Variants in SNTG1 observed in about 807,000 individuals in gnomAD.
SNTG1 encodes syntrophin gamma 1.
A neutral mutation model predicts 74.7 loss-of-function variants in SNTG1; 39 were observed. The ratio of observed to expected loss-of-function variants is 0.52; its 90% confidence interval spans 0.40 to 0.68. The LOEUF is 0.68. Among genes scored for constraint, SNTG1 ranks in the 30% least tolerant of loss-of-function variants. The probability of loss-of-function intolerance (pLI) is 0.00; values close to 1 mark genes in which losing one functional copy is unlikely to be tolerated. For missense variants in SNTG1, 685 were observed against 609.5 expected (o/e 1.12, Z -1.30); for synonymous variants, 254 against 217.1 (o/e 1.17, Z -1.49).
chr8:49,998,709 G>A (rs1156997208), intron 1 of SNTG1, among the ~76,000 whole-genome samples: 1 of 151,250 alleles, frequency 6.6e-6, no homozygotes, highest in African/African-American at 2.4e-5. Context: ...AGGTCTTCAG[G>A]GACAATAACA....
At chr8:50,771,317 A>G (rs1198194515) in intron 18 of SNTG1, among the ~76,000 whole-genome samples, 1 of 152,116 alleles carries the variant, frequency 6.6e-6, no homozygotes, top group South Asian at 2.1e-4. Flanking sequence ...AGATATGCCT[A>G]TTACACCCTT....
At chr8:50,201,569 C>T (rs182459753) in intron 2 of SNTG1, among the ~76,000 whole-genome samples, 82 of 152,152 alleles carry the variant, frequency 5.4e-4, no homozygotes, top group African/African-American at 1.8e-3. Flanking sequence ...ACTCCATGAT[C>T]ATCTTGTTTA....
chr8:49,980,520 G>C (rs1308797857), intron 1 of SNTG1, among the ~76,000 whole-genome samples: 2 of 34,276 alleles, frequency 5.8e-5, no homozygotes, highest in Non-Finnish European at 8.7e-5. Flanking sequence ...AGACTCCTTC[G>C]CAAAAAAAAA....
At chr8:50,638,894 A>C (rs2095055446) in intron 13 of SNTG1, among the ~76,000 whole-genome samples, 1 of 152,124 alleles carries the variant, frequency 6.6e-6, no homozygotes, top group African/African-American at 2.4e-5. Context: ...ATATCACTAT[A>C]TGAGCAGATT....
intron 9 of SNTG1, among the ~76,000 whole-genome samples, chr8:50,528,563 T>C (rs1285347257): frequency 6.6e-6 from 1 of 151,930 alleles, no homozygotes; most frequent in South Asian, 2.1e-4. Context: ...TTTGCTAATA[T>C]ATTGTTTACA....
intron 2 of SNTG1, among the ~76,000 whole-genome samples, chr8:50,393,825 G>A (rs1426268248): frequency 1.3e-5 from 2 of 152,036 alleles, no homozygotes; most frequent in South Asian, 4.1e-4. Flanking sequence ...CATATGAAAG[G>A]CAACTTTTAA....
intron 2 of SNTG1, among the ~76,000 whole-genome samples, chr8:50,331,073 T>C (rs892536616): frequency 2.0e-5 from 3 of 152,190 alleles, no homozygotes; most frequent in African/African-American, 7.2e-5. Context: ...ATTTTTTATT[T>C]TCTAAAATAT....
intron 1 of SNTG1, among the ~76,000 whole-genome samples, chr8:50,158,956 A>T (rs1423832595): frequency 6.6e-6 from 1 of 152,196 alleles, no homozygotes; most frequent in African/African-American, 2.4e-5. Context: ...TTTACAAACC[A>T]GTTGCTCCTC....
intron 1 of SNTG1, among the ~76,000 whole-genome samples, chr8:49,919,998 A>G (rs1806388219): frequency 6.6e-6 from 1 of 152,116 alleles, no homozygotes; most frequent in Admixed American, 6.6e-5. Context: ...TGTCCAATTC[A>G]TTAACTTCAT....
chr8:50,761,284 C>T (rs1156507401), intron 18 of SNTG1, among the ~76,000 whole-genome samples: 1 of 151,834 alleles, frequency 6.6e-6, no homozygotes, highest in Non-Finnish European at 1.5e-5. Flanking sequence ...CTGATTCAGT[C>T]AGGCATGACG....
At chr8:50,361,652 T>C (rs1209456986) in intron 2 of SNTG1, among the ~76,000 whole-genome samples, 1 of 152,132 alleles carries the variant, frequency 6.6e-6, no homozygotes, top group South Asian at 2.1e-4. Flanking sequence ...GCTAAACCCT[T>C]CATTGTGAAT....
intron 2 of SNTG1, among the ~76,000 whole-genome samples, chr8:50,356,476 A>G (rs536320813): frequency 2.5e-4 from 38 of 152,308 alleles, no homozygotes; most frequent in African/African-American, 8.7e-4. Context: ...TTGTGCTGCT[A>G]TAACAAAATA....
chr8:50,639,612 C>A lies in SNTG1; in HGVS notation c.850-17297C>A, dbSNP rs189430889. Among the ~76,000 whole-genome samples, 22 of 151,994 alleles carry A rather than the reference C, an allele frequency of 1.4e-4. No homozygotes were observed. In the East Asian group the frequency reaches 4.1e-3, roughly 28 times the overall value. On this transcript the variant is annotated intron_variant, in intron 13 of 18. Coordinates refer to ENST00000642720, the MANE Select transcript of SNTG1 (RefSeq NM_018967.5). ...AATCATGCTTATAATGTCCTACCTG[C>A]AGATTAATACAGATTACTGACAGAA...
chr8:50,579,620 A>G (rs1216978566), intron 12 of SNTG1, among the ~76,000 whole-genome samples: 1 of 152,128 alleles, frequency 6.6e-6, no homozygotes, highest in African/African-American at 2.4e-5. Flanking sequence ...TGCTCTGGCT[A>G]TGGCTAAAAA....
chr8:50,647,840 A>T (rs2095119822), intron 13 of SNTG1, among the ~76,000 whole-genome samples: 2 of 151,904 alleles, frequency 1.3e-5, no homozygotes, highest in African/African-American at 4.8e-5. Context: ...TTTTAATTCT[A>T]CTTTTTTCTA....
intron 1 of SNTG1, among the ~76,000 whole-genome samples, chr8:50,006,549 A>T (rs1011756377): frequency 1.3e-5 from 2 of 152,078 alleles, no homozygotes; most frequent in Non-Finnish European, 2.9e-5. Flanking sequence ...GATTTTTTTT[A>T]AAAGAGGGCA....
chr8:50,264,147 C>G (rs549838302), intron 2 of SNTG1, among the ~76,000 whole-genome samples: 1 of 152,250 alleles, frequency 6.6e-6, no homozygotes, highest in South Asian at 2.1e-4. Context: ...TAAATTAAAA[C>G]ACTGCATACC....
At chr8:50,470,249 C>G (rs2093641106) in intron 8 of SNTG1, among the ~76,000 whole-genome samples, 1 of 152,160 alleles carries the variant, frequency 6.6e-6, no homozygotes, top group African/African-American at 2.4e-5. Flanking sequence ...AACTTTAATC[C>G]TAAGAAATAA....
Position 50,692,300 on chromosome 8 carries a change from A to C in SNTG1, c.1039-12300A>C, listed in dbSNP as rs559630856. 1.1e-4 allele frequency among the ~76,000 whole-genome samples: 16 copies of C among 152,288 alleles called. No individual in the cohort carries two copies. In the South Asian group the frequency reaches 2.3e-3, roughly 22 times the overall value. ...TGTTCCACTGCTGGTGAGGAGCTGCATTCCTTTGGAGGAGGAGAGGCGCTC... is the reference window on the plus strand; with the variant it reads ...TGTTCCACTGCTGGTGAGGAGCTGCCTTCCTTTGGAGGAGGAGAGGCGCTC... On this transcript the variant is annotated intron_variant, in intron 15 of 18. Transcript: ENST00000642720.
Sources: allele counts gnomAD v4.1 joint callset (sites outside exome capture counted in the v4.1 genomes callset), GRCh38; gene constraint gnomAD v4.1.1; transcripts MANE v1.5; gene names NCBI Gene and HGNC (gene_info 2026-07-23, HGNC 2026-07-21).